Variants in TES observed in about 807,000 individuals in gnomAD.
The protein encoded by TES is testin LIM domain protein.
TES carries 41 observed loss-of-function variants against 48.2 expected under a neutral mutation model. The observed-to-expected ratio is 0.85, with a 90% CI of 0.66 to 1.10. The LOEUF is 1.10. Among genes scored for constraint, TES ranks in the 50% least tolerant of loss-of-function variants. The pLI is 0.00. For synonymous variants in TES, 162 were observed against 174.9 expected (o/e 0.93, Z 0.58); for missense variants, 463 against 515.1 (o/e 0.90, Z 0.98).
chr7:116,230,614 C>T (rs1799685719), intron 1 of TES, among the ~76,000 whole-genome samples: 1 of 152,200 alleles, frequency 6.6e-6, no homozygotes, highest in African/African-American at 2.4e-5. Flanking sequence ...CCAGTCTCTC[C>T]TGTCTCTGAG....
chr7:116,214,303 A>G (rs1246010605), intron 1 of TES, among the ~76,000 whole-genome samples: 3 of 152,200 alleles, frequency 2.0e-5, no homozygotes, highest in Non-Finnish European at 2.9e-5. Context: ...AAAAAGGACT[A>G]AACTACAAAG....
intron 2 of TES, among the ~76,000 whole-genome samples, chr7:116,246,287 C>T (rs1439150590): frequency 2.0e-5 from 3 of 152,204 alleles, no homozygotes; most frequent in Non-Finnish European, 4.4e-5. Flanking sequence ...GAAGTAGTGG[C>T]AGCATCCTGT....
In TES at chr7:116,251,973, G is replaced by A; in HGVS notation, c.916G>A (p.Glu306Lys). The A allele has an allele frequency of 1.2e-6, 2 of 1,614,022 alleles. No individual in the cohort carries two copies. Among genetic ancestry groups the A allele is most frequent in the Non-Finnish European group, 1.7e-6 (2 of 1,179,972 alleles). The change falls in exon 5 of 7, where the codon GAG (glutamate) becomes AAG (lysine). Residue 306 changes from glutamate to lysine, a missense_variant and splice_region_variant. Coordinates refer to ENST00000358204, the MANE Select transcript of TES (RefSeq NM_015641.4). ...SEKPRCAGCDELIFSNEYTQA... is the reference protein window; with the variant it reads ...SEKPRCAGCDKLIFSNEYTQA... ...GAAACCCCGATGTGCTGGCTGTGAC[G>A]AGGTATGTTCTATGGGACCACCGGC...
At chr7:116,248,349 C>CTAA (rs1468273256) in intron 2 of TES, among the ~76,000 whole-genome samples, 1 of 152,124 alleles carries the variant, frequency 6.6e-6, no homozygotes, top group Non-Finnish European at 1.5e-5. Context: ...AATGATAGTT[C>CTAA]TAAGTTCTTT....
intron 2 of TES, among the ~76,000 whole-genome samples, chr7:116,245,462 C>G (rs2116617321): frequency 6.6e-6 from 1 of 152,286 alleles, no homozygotes; most frequent in South Asian, 2.1e-4. Flanking sequence ...GCCTGGACTT[C>G]ATTGTCCATA....
At chr7:116,247,053 G>A (rs1442266560) in intron 2 of TES, among the ~76,000 whole-genome samples, 1 of 150,386 alleles carries the variant, frequency 6.6e-6, no homozygotes, top group African/African-American at 2.5e-5. Context: ...CTGTGTGCCA[G>A]ACCAGAGTGA....
In TES at chr7:116,250,219, G is replaced by A. The variant is rs1269685258; in HGVS notation, c.425G>A (p.Gly142Glu). 6.3e-7 allele frequency: 1 copy of A among 1,596,466 alleles called. No homozygotes were observed. Among genetic ancestry groups the A allele is most frequent in the East Asian group, 2.2e-5 (1 of 44,448 alleles). ...AAGCAGCCAGTAGCAGGCTCAGAGG[G>A]GGCACAGTACCGGAAGAAGCAGCTG... The part of the protein sequence containing the change: ...KEKQPVAGSE[G>E]AQYRKKQLAK... Residue 142 changes from glycine to glutamate, a missense_variant, in exon 4 of 7, where the codon GGG (glycine) becomes GAG (glutamate). By Grantham distance (98) the Gly-to-Glu change is moderately conservative. Coordinates refer to ENST00000358204, the MANE Select transcript of TES (RefSeq NM_015641.4).
At position 116,218,697 on chromosome 7, in the gene TES, AT is replaced by A. The variant is rs869282451; in HGVS notation, c.27+7972del. ...AAAATACCGATGTCACCTTTGATAG[AT>A]TTTTTTTTAAAAAAGGAAGGAAGAT... On this transcript the variant is annotated intron_variant, in intron 1 of 6. Coordinates refer to ENST00000358204, the MANE Select transcript of TES (RefSeq NM_015641.4). Among the ~76,000 whole-genome samples the A allele has an allele frequency of 3.3e-5, 5 of 151,870 alleles. 1 individual carries two copies. The highest frequency in any genetic ancestry group is 1.3e-4 in the Admixed American group (2 of 15,234).
intron 2 of TES, among the ~76,000 whole-genome samples, chr7:116,242,549 C>T (rs890823411): frequency 1.4e-5 from 2 of 147,260 alleles, no homozygotes; most frequent in Admixed American, 6.7e-5. Context: ...GTCTCTGTCT[C>T]GGAATATACA....
chr7:116,247,534 G>A (rs1799943414), intron 2 of TES, among the ~76,000 whole-genome samples: 1 of 151,510 alleles, frequency 6.6e-6, no homozygotes, highest in African/African-American at 2.4e-5. Context: ...TGGTACAATT[G>A]AAGATGTCTA....
chr7:116,249,297 T>C (rs1269840734), intron 3 of TES, 25 bp downstream of exon 3: 1 of 1,613,366 alleles, frequency 6.2e-7, no homozygotes, highest in East Asian at 2.2e-5. Context: ...ACAGAGAGTT[T>C]CTTTATTGAA....
At position 116,249,286 on chromosome 7, in the gene TES, A is replaced by G. The variant is rs1799970279; in HGVS notation, c.366+14A>G. Reference sequence around the variant, plus strand: ...AATCAAGCATTGGTAAATGATATGGAACAGAGAGTTTCTTTATTGAAGTTC... The same window carrying G: ...AATCAAGCATTGGTAAATGATATGGGACAGAGAGTTTCTTTATTGAAGTTC... On this transcript the variant is annotated intron_variant, in intron 3 of 6. Coordinates refer to ENST00000358204, the MANE Select transcript of TES (RefSeq NM_015641.4). 2 of 1,613,548 alleles carry G rather than the reference A, an allele frequency of 1.2e-6. No individual in the cohort carries two copies. Among genetic ancestry groups the G allele is most frequent in the Non-Finnish European group, 1.7e-6 (2 of 1,179,882 alleles).
Position 116,251,975 on chromosome 7 carries a change from G to A in TES, c.918G>A (p.Glu306=). 1.9e-6 allele frequency: 3 copies of A among 1,613,946 alleles called. No homozygotes were observed. Among genetic ancestry groups the A allele is most frequent in the Non-Finnish European group, 8.5e-7 (1 of 1,179,952 alleles). The change falls in exon 5 of 7, where the codon GAG becomes GAA. Residue 306 remains glutamate (E), a splice_region_variant and synonymous_variant. Transcript: ENST00000358204. The stretch of plus-strand genomic sequence containing the variant: ...AACCCCGATGTGCTGGCTGTGACGA[G>A]GTATGTTCTATGGGACCACCGGCAT... ...SEKPRCAGCD[E]LIFSNEYTQA...
At chr7:116,213,948 C>A (rs1350741808) in intron 1 of TES, among the ~76,000 whole-genome samples, 2 of 152,068 alleles carry the variant, frequency 1.3e-5, no homozygotes, top group Non-Finnish European at 2.9e-5. Context: ...TTCCTCTTTC[C>A]TTTCTGTGTT....
intron 1 of TES, among the ~76,000 whole-genome samples, chr7:116,219,619 T>C (rs1002088372): frequency 2.9e-4 from 44 of 152,162 alleles, no homozygotes; most frequent in African/African-American, 1.0e-3. Context: ...AGCAGTCACA[T>C]GTCCAGTTCT....
intron 1 of TES, among the ~76,000 whole-genome samples, chr7:116,221,612 C>G (rs1033113994): frequency 1.3e-5 from 2 of 152,146 alleles, no homozygotes; most frequent in Admixed American, 6.5e-5. Context: ...CAGCTTCCCA[C>G]AGTGAAAGCT....
At chr7:116,227,423 A>T (rs1304686811) in intron 1 of TES, among the ~76,000 whole-genome samples, 2 of 151,952 alleles carry the variant, frequency 1.3e-5, no homozygotes, top group African/African-American at 4.8e-5. Context: ...TGTCTGGCCA[A>T]CCTACACTTT....
At chr7:116,218,325 G>A (rs946560367) in intron 1 of TES, among the ~76,000 whole-genome samples, 3 of 152,072 alleles carry the variant, frequency 2.0e-5, no homozygotes, top group African/African-American at 7.2e-5. Flanking sequence ...ATTCAGCCCA[G>A]CAGAAATGCC....
At chr7:116,249,318 T>C (rs1799971156) in intron 3 of TES, 46 bp downstream of exon 3, 4 of 1,609,718 alleles carry the variant, frequency 2.5e-6, no homozygotes, top group Non-Finnish European at 3.4e-6. Context: ...GTTCCTGGAG[T>C]ATTTATTTGG....
Sources: allele counts gnomAD v4.1 joint callset (sites outside exome capture counted in the v4.1 genomes callset), GRCh38; gene constraint gnomAD v4.1.1; transcripts MANE v1.5; gene names NCBI Gene and HGNC (gene_info 2026-07-23, HGNC 2026-07-21).